The following MEMO1 variants were observed in gnomAD, a reference collection of about 807,000 sequenced individuals.
The protein encoded by MEMO1 is protein MEMO1.
Under a neutral mutation model 45.2 loss-of-function variants are expected in MEMO1, and 6 were observed. That is an observed-to-expected ratio of 0.13 (90% CI 0.07 to 0.26). MEMO1 has a LOEUF of 0.26. MEMO1 is among the 10% of genes least tolerant of loss of function. MEMO1 has a pLI of 1.00. For missense variants in MEMO1, 184 were observed against 370.5 expected (o/e 0.50, Z 4.13); for synonymous variants, 78 against 124.3 (o/e 0.63, Z 2.48).
At chr2:31,930,053 A>T (rs1312663989) in intron 4 of MEMO1, among the ~76,000 whole-genome samples, 1 of 152,214 alleles carries the variant, frequency 6.6e-6, no homozygotes, top group Non-Finnish European at 1.5e-5. Flanking sequence ...CGCAGTCAGG[A>T]ATTTGAAACC....
chr2:31,989,531 G>A (rs1168087983), intron 2 of MEMO1, among the ~76,000 whole-genome samples: 1 of 152,000 alleles, frequency 6.6e-6, no homozygotes, highest in African/African-American at 2.4e-5. Flanking sequence ...TTCCTGCAAG[G>A]AAAAAAGATA....
At chr2:31,967,025 A>C (rs1376275437) in intron 2 of MEMO1, among the ~76,000 whole-genome samples, 1 of 152,176 alleles carries the variant, frequency 6.6e-6, no homozygotes, top group East Asian at 1.9e-4. Flanking sequence ...TCCATACTAA[A>C]CTGTTTTGTA....
At chr2:31,969,403 A>ATG (rs1332070054) in intron 2 of MEMO1, among the ~76,000 whole-genome samples, 95 of 140,220 alleles carry the variant, frequency 6.8e-4, no homozygotes, top group Non-Finnish European at 1.6e-4. Context: ...ACGTGTATAT[A>ATG]CATATATACA....
intron 2 of MEMO1, among the ~76,000 whole-genome samples, chr2:31,949,500 A>G (rs1455231090): frequency 1.3e-5 from 2 of 152,090 alleles, no homozygotes; most frequent in African/African-American, 4.8e-5. Flanking sequence ...CAGGCACCAG[A>G]AAGACAAACA....
chr2:31,937,213 C>CA (rs1444822708), intron 3 of MEMO1, among the ~76,000 whole-genome samples: 3 of 151,976 alleles, frequency 2.0e-5, no homozygotes, highest in Non-Finnish European at 4.4e-5. Flanking sequence ...TAATTGTGCC[C>CA]AAAAAAGTCC....
At chr2:31,901,194 G>A (rs912780902) in intron 6 of MEMO1, among the ~76,000 whole-genome samples, 13 of 151,838 alleles carry the variant, frequency 8.6e-5, no homozygotes, top group African/African-American at 2.4e-4. Context: ...CCAACATGGC[G>A]AAACCCTGTC....
intron 2 of MEMO1, chr2:31,963,298 GGATACAGATA>G (rs1393462549): frequency 1.3e-6 from 2 of 1,491,414 alleles, no homozygotes; most frequent in Non-Finnish European, 1.8e-6. Flanking sequence ...CTACAGATAG[GGATACAGATA>G]GATATAGATA....
rs1273367737 is a variant in MEMO1, at chr2:31,969,586, G to GGTGGGTGTGTGTGT, written c.62-26204_62-26203insACACACACACCCAC. On this transcript the variant is annotated intron_variant, in intron 2 of 9. Transcript: ENST00000404530. ...AATCTTTTCTGGGGGTGTGTGTGTGGGTGTGTGTGTGTGTGTGTGTGTGTG... is the reference window on the plus strand; with the variant it reads ...AATCTTTTCTGGGGGTGTGTGTGTGGGTGGGTGTGTGTGTGTGTGTGTGTGTGTGTGTGTGTGTG... Among the ~76,000 whole-genome samples the GGTGGGTGTGTGTGT allele has an allele frequency of 1.7e-5, 2 of 119,228 alleles. 1 individual carries two copies. The highest frequency in any genetic ancestry group is 4.9e-4 in the East Asian group (2 of 4,110). The allele number at this position is 119,228 out of a possible 152,430, so 78.2% of individuals were successfully genotyped here.
At chr2:31,894,861 T>C (rs1168572623) in intron 6 of MEMO1, among the ~76,000 whole-genome samples, 1 of 152,202 alleles carries the variant, frequency 6.6e-6, no homozygotes, top group Non-Finnish European at 1.5e-5. Context: ...CTTCAAACTC[T>C]GAGCCCAAGT....
At chr2:31,885,480 G>A (rs928768818) in intron 7 of MEMO1, among the ~76,000 whole-genome samples, 2 of 152,170 alleles carry the variant, frequency 1.3e-5, no homozygotes, top group African/African-American at 4.8e-5. Context: ...CAAATCTAAA[G>A]TGCAGTTATA....
chr2:31,934,561 A>C (rs1664684961), intron 3 of MEMO1, among the ~76,000 whole-genome samples: 1 of 152,202 alleles, frequency 6.6e-6, no homozygotes, highest in Non-Finnish European at 1.5e-5. Flanking sequence ...AAGGACATTA[A>C]GGAAGGGCCT....
chr2:31,948,241 T>C lies in MEMO1; in HGVS notation c.62-4858A>G, dbSNP rs550253816. On this transcript the variant is annotated intron_variant, in intron 2 of 9. Transcript: ENST00000404530. Reference sequence around the variant, plus strand: ...ATCTATTTTAGATACCAGGACAAGCTGGTAAGAGAAACATTTCTCCACAAG... The same window carrying C: ...ATCTATTTTAGATACCAGGACAAGCCGGTAAGAGAAACATTTCTCCACAAG... 1.8e-4 allele frequency among the ~76,000 whole-genome samples: 27 copies of C among 152,346 alleles called. 1 individual carries two copies. The South Asian group carries it at 5.0e-3, about 28-fold the overall frequency.
At chr2:31,936,710 A>T (rs1664962587) in intron 3 of MEMO1, among the ~76,000 whole-genome samples, 1 of 152,208 alleles carries the variant, frequency 6.6e-6, no homozygotes, top group Non-Finnish European at 1.5e-5. Context: ...GTTCATTCTG[A>T]GACCTTCAGG....
At chr2:31,890,253 T>A (rs1268938448) in intron 7 of MEMO1, among the ~76,000 whole-genome samples, 1 of 152,068 alleles carries the variant, frequency 6.6e-6, no homozygotes. Flanking sequence ...TAAAAAATAA[T>A]ATCAAGGGAA....
chr2:31,936,354 CAT>C (rs1451229749), intron 3 of MEMO1, among the ~76,000 whole-genome samples: 2 of 152,180 alleles, frequency 1.3e-5, no homozygotes, highest in African/African-American at 2.4e-5. Context: ...CCCAACCTAA[CAT>C]ATCATGAAGG....
Position 31,933,364 on chromosome 2 carries a change from TATATATATATATATATATAG to T in MEMO1, c.144-1249_144-1230del, listed in dbSNP as rs1558514476. On this transcript the variant is annotated intron_variant, in intron 3 of 9. Transcript: ENST00000404530. ...AAAAAAAAAAATTTATATATATATA[TATATATATATATATATATAG>T]AAAGGGGAAGAGAGGGGAAAAAGAG... Among the ~76,000 whole-genome samples the T allele has an allele frequency of 2.5e-4, 25 of 98,714 alleles. 2 individuals are homozygous for T. The highest frequency in any genetic ancestry group is 4.2e-4 in the South Asian group (1 of 2,388). 64.8% of individuals were successfully genotyped at this position (98,714 alleles called of 152,430 possible). A position where few individuals can be genotyped will look rare whatever the true frequency, so the allele number is the denominator to read the frequency against.
At chr2:31,990,811 T>C (rs779164329) in intron 2 of MEMO1, among the ~76,000 whole-genome samples, 8 of 152,106 alleles carry the variant, frequency 5.3e-5, no homozygotes, top group Non-Finnish European at 8.8e-5. Flanking sequence ...ATCAATAATT[T>C]TGAAGGCTAT....
At chr2:31,922,604 G>A (rs1347767227) in intron 4 of MEMO1, among the ~76,000 whole-genome samples, 1 of 151,814 alleles carries the variant, frequency 6.6e-6, no homozygotes, top group East Asian at 1.9e-4. Flanking sequence ...TATTCCATAA[G>A]TAGTTTTTTT....
intron 2 of MEMO1, among the ~76,000 whole-genome samples, chr2:31,995,859 A>C (rs1672533510): frequency 6.6e-6 from 1 of 152,190 alleles, no homozygotes; most frequent in Admixed American, 6.5e-5. Context: ...GTAATAAGTA[A>C]GAAATTGTCA....
Sources: gnomAD v4.1 joint callset for allele counts (sites outside exome capture counted in the v4.1 genomes callset) on GRCh38, gnomAD v4.1.1 for gene constraint, MANE v1.5 for transcripts, NCBI Gene and HGNC (gene_info 2026-07-23, HGNC 2026-07-21) for gene names.